The following STOX2 variants were observed in gnomAD, a reference collection of about 807,000 sequenced individuals.
STOX2 encodes the protein storkhead-box protein 2.
A neutral mutation model predicts 60.9 loss-of-function variants in STOX2; 28 were observed. The observed-to-expected ratio is 0.46, with a 90% CI of 0.34 to 0.63. The LOEUF (loss-of-function observed/expected upper bound fraction) is 0.63. STOX2 is among the 30% of genes least tolerant of loss of function. The pLI is 0.01. For synonymous variants in STOX2, 472 were observed against 463.9 expected (o/e 1.02, Z -0.22); for missense variants, 1,024 against 1,187.7 (o/e 0.86, Z 2.03).
chr4:183,978,046 G>T (rs1011607735), intron 1 of STOX2, among the ~76,000 whole-genome samples: 3 of 152,154 alleles, frequency 2.0e-5, no homozygotes, highest in Non-Finnish European at 4.4e-5. Context: ...CATTGTGTAG[G>T]ATGTCTGTTT....
At chr4:183,842,761 A>G (rs796112833) in intron 1 of STOX2, among the ~76,000 whole-genome samples, 17 of 152,030 alleles carry the variant, frequency 1.1e-4, no homozygotes, top group African/African-American at 4.1e-4. Flanking sequence ...CTTTTCATAT[A>G]TGGCCTTTGA....
At chr4:183,994,604 A>G (rs976562922) in intron 1 of STOX2, among the ~76,000 whole-genome samples, 7 of 152,256 alleles carry the variant, frequency 4.6e-5, no homozygotes, top group African/African-American at 1.7e-4. Flanking sequence ...CACAGGATTT[A>G]GGAGGCTGAA....
chr4:183,835,803 A>G (rs1579317908), intron 1 of STOX2, among the ~76,000 whole-genome samples: 1 of 152,172 alleles, frequency 6.6e-6, no homozygotes, highest in African/African-American at 2.4e-5. Context: ...GTTTTTGGCT[A>G]TTAAGAGTAA....
intron 1 of STOX2, among the ~76,000 whole-genome samples, chr4:183,899,694 G>C (rs1434453946): frequency 6.6e-6 from 1 of 152,180 alleles, no homozygotes; most frequent in Non-Finnish European, 1.5e-5. Context: ...TTAGGAAAAG[G>C]AGCTGTCTCC....
At chr4:183,799,094 A>G (rs1476524693) in intron 1 of STOX2, among the ~76,000 whole-genome samples, 1 of 152,220 alleles carries the variant, frequency 6.6e-6, no homozygotes, top group Admixed American at 6.5e-5. Flanking sequence ...CCTCTGAAGG[A>G]TTAGCTGTTA....
At chr4:183,885,139 G>A (rs1468501443) in intron 1 of STOX2, among the ~76,000 whole-genome samples, 1 of 152,138 alleles carries the variant, frequency 6.6e-6, no homozygotes, top group Non-Finnish European at 1.5e-5. Flanking sequence ...TGCTTAAAAT[G>A]TTTCCTCCTA....
rs976306296 is a variant in STOX2, at chr4:183,888,931, T to C, written c.364+90876T>C. Among the ~76,000 whole-genome samples the C allele has an allele frequency of 5.5e-4, 84 of 152,002 alleles. 3 individuals carry two copies. ...CTTTCTTTGGAGCACAGAAAACAAG[T>C]TGGCTTCTTCCTCTGTCAGGAAAAC... On this transcript the variant is annotated intron_variant, in intron 1 of 2. Coordinates refer to the STOX2 transcript ENST00000513034.
chr4:184,016,094 A>C (rs1478994194), intron 3 of STOX2: 2 of 152,238 alleles, frequency 1.3e-5, no homozygotes, highest in Non-Finnish European at 2.9e-5. Flanking sequence ...AAAAGAAAAT[A>C]CTTCACGTAT....
At chr4:183,874,955 ATATATAT>A (rs1560857809) in intron 1 of STOX2, among the ~76,000 whole-genome samples, 52 of 30,166 alleles carry the variant, frequency 1.7e-3, no homozygotes, top group African/African-American at 4.0e-3. Flanking sequence ...AAAAAAAAAT[ATATATAT>A]ATATATATAT....
rs548655780 is a variant in STOX2 at position 183,808,555 on chromosome 4, G to A, written c.364+10500G>A. 4.1e-4 allele frequency among the ~76,000 whole-genome samples: 63 copies of A among 152,292 alleles called. No individual in the cohort carries two copies. In the South Asian group the frequency reaches 4.8e-3, roughly 12 times the overall value. On this transcript the variant is annotated intron_variant, in intron 1 of 2. Transcript: ENST00000513034. ...GTTTGTCCAAGGAAAGTCTTTAATC[G>A]TTAGTAGACTGTGAGGTAATGTAGA... is the stretch of plus-strand genomic sequence containing the variant.
chr4:183,889,013 C>T (rs951331251), intron 1 of STOX2, among the ~76,000 whole-genome samples: 2 of 151,534 alleles, frequency 1.3e-5, no homozygotes, highest in Non-Finnish European at 2.9e-5. Context: ...GTTCTCGATG[C>T]GTTATTGGAC....
At chr4:183,842,766 C>T in intron 1 of STOX2, among the ~76,000 whole-genome samples, 1 of 151,798 alleles carries the variant, frequency 6.6e-6, no homozygotes, top group Non-Finnish European at 1.5e-5. Context: ...CATATATGGC[C>T]TTTGAAACTT....
chr4:183,970,175 TGTGTGTGG>T (rs774550429), intron 1 of STOX2, among the ~76,000 whole-genome samples: 4,231 of 148,724 alleles, frequency 0.028, 66 homozygotes, highest in Admixed American at 0.06. Flanking sequence ...TGTGTGTGTG[TGTGTGTGG>T]GGTTCCAGCT....
At chr4:183,993,383 C>G (rs28647598) in intron 1 of STOX2, among the ~76,000 whole-genome samples, 83,993 of 152,132 alleles carry the variant, frequency 0.55, 23,675 homozygotes, top group African/African-American at 0.68. Flanking sequence ...GATGTTAACT[C>G]ATTCTTTTGG....
intron 1 of STOX2, among the ~76,000 whole-genome samples, chr4:183,911,291 G>C (rs772123523): frequency 6.6e-6 from 1 of 152,218 alleles, no homozygotes; most frequent in African/African-American, 2.4e-5. Context: ...TTTAGGACTC[G>C]CCCTGATGAC....
chr4:183,953,235 CT>C (rs777889968), intron 1 of STOX2, among the ~76,000 whole-genome samples: 38 of 151,554 alleles, frequency 2.5e-4, no homozygotes, highest in African/African-American at 8.0e-4. Context: ...TACCACAAAA[CT>C]TTTTTTTTAA....
chr4:183,917,772 A>G (rs1164581092), intron 1 of STOX2, among the ~76,000 whole-genome samples: 1 of 152,212 alleles, frequency 6.6e-6, no homozygotes, highest in Non-Finnish European at 1.5e-5. Context: ...TGTTCATCAA[A>G]TGCCTTTATG....
chr4:183,982,541 T>C (rs1487042658), intron 1 of STOX2, among the ~76,000 whole-genome samples: 1 of 152,214 alleles, frequency 6.6e-6, no homozygotes, highest in Admixed American at 6.5e-5. Context: ...TAATCTGTTA[T>C]TGGTGCCCAG....
At chr4:183,961,640 AGTGG>A (rs1489605327) in intron 1 of STOX2, among the ~76,000 whole-genome samples, 2 of 152,242 alleles carry the variant, frequency 1.3e-5, no homozygotes, top group Non-Finnish European at 2.9e-5. Context: ...TATCTTCCAC[AGTGG>A]TGACGTCTGG....
Sources: allele counts gnomAD v4.1 joint callset (sites outside exome capture counted in the v4.1 genomes callset), GRCh38; gene constraint gnomAD v4.1.1; transcripts MANE v1.5; gene names NCBI Gene and HGNC (gene_info 2026-07-23, HGNC 2026-07-21).